NRXN3: variants seen among roughly 807,000 people sequenced by gnomAD.
NRXN3 encodes neurexin III.
Under a neutral mutation model 137.6 loss-of-function variants are expected in NRXN3, and 32 were observed. The observed-to-expected ratio is 0.23, with a 90% CI of 0.18 to 0.31. The LOEUF (loss-of-function observed/expected upper bound fraction) is 0.31. Among genes scored for constraint, NRXN3 ranks in the 10% least tolerant of loss-of-function variants. The pLI, the probability that NRXN3 is intolerant of heterozygous loss-of-function variation, is 1.00. For missense variants in NRXN3, 1,574 were observed against 2,062.5 expected (o/e 0.76, Z 4.59); for synonymous variants, 798 against 784.5 (o/e 1.02, Z -0.29).
chr14:78,643,720 A>C (rs926727147), intron 4 of NRXN3, among the ~76,000 whole-genome samples: 1 of 152,142 alleles, frequency 6.6e-6, no homozygotes, highest in African/African-American at 2.4e-5. Context: ...TTTGTCCTAT[A>C]TCATGAAGGG....
chr14:78,683,842 TATG>T (rs1280865076), intron 6 of NRXN3, among the ~76,000 whole-genome samples: 1 of 152,236 alleles, frequency 6.6e-6, no homozygotes, highest in Admixed American at 6.5e-5. Flanking sequence ...CTTCATAATT[TATG>T]ATATGTTAAA....
chr14:78,398,595 A>C (rs1308220334), intron 4 of NRXN3, among the ~76,000 whole-genome samples: 1 of 152,122 alleles, frequency 6.6e-6, no homozygotes, highest in African/African-American at 2.4e-5. Context: ...TCCCTATCTA[A>C]GAGTGAAAGA....
At chr14:78,758,482 G>GA (rs930799343) in intron 8 of NRXN3, among the ~76,000 whole-genome samples, 22 of 152,128 alleles carry the variant, frequency 1.4e-4, no homozygotes, top group Non-Finnish European at 1.9e-4. Flanking sequence ...GCTTTCCTAT[G>GA]AAAAAAATGG....
At chr14:78,327,079 T>C (rs2080197667) in intron 4 of NRXN3, among the ~76,000 whole-genome samples, 1 of 152,194 alleles carries the variant, frequency 6.6e-6, no homozygotes, top group African/African-American at 2.4e-5. Flanking sequence ...ATGTTACTAA[T>C]ATTATTATTA....
chr14:79,185,184 C>A (rs746808415), intron 15 of NRXN3, among the ~76,000 whole-genome samples: 1 of 152,000 alleles, frequency 6.6e-6, no homozygotes, highest in African/African-American at 2.4e-5. Context: ...AAGCTCGTGT[C>A]TTGAGCAGAA....
At chr14:78,543,254 G>T (rs1221573092) in intron 4 of NRXN3, among the ~76,000 whole-genome samples, 1 of 152,072 alleles carries the variant, frequency 6.6e-6, no homozygotes, top group Non-Finnish European at 1.5e-5. Context: ...CATGATCTGA[G>T]ATCATAAATG....
chr14:79,150,099 T>A (rs954148124), intron 15 of NRXN3, among the ~76,000 whole-genome samples: 13 of 152,080 alleles, frequency 8.5e-5, no homozygotes, highest in Non-Finnish European at 1.6e-4. Flanking sequence ...ACATGTTCCA[T>A]TCTAAGTCTT....
At chr14:78,305,006 T>G (rs1011145699) in intron 4 of NRXN3, among the ~76,000 whole-genome samples, 1 of 152,214 alleles carries the variant, frequency 6.6e-6, no homozygotes, top group African/African-American at 2.4e-5. Flanking sequence ...GTTTTTGACC[T>G]TTGGCTTGAG....
At chr14:79,421,515 T>C (rs1427957161) in intron 15 of NRXN3, among the ~76,000 whole-genome samples, 1 of 152,182 alleles carries the variant, frequency 6.6e-6, no homozygotes, top group Admixed American at 6.5e-5. Context: ...AAACTGATTC[T>C]GGGAAAATGG....
chr14:78,444,393 G>A (rs2094352639), intron 4 of NRXN3, among the ~76,000 whole-genome samples: 1 of 152,070 alleles, frequency 6.6e-6, no homozygotes, highest in African/African-American at 2.4e-5. Flanking sequence ...CGGAGTCCTG[G>A]GGAAAATACA....
At chr14:79,205,918 A>G (rs1030071254) in intron 15 of NRXN3, among the ~76,000 whole-genome samples, 2 of 152,204 alleles carry the variant, frequency 1.3e-5, no homozygotes, top group African/African-American at 4.8e-5. Context: ...CTCCCTGAAT[A>G]TACAAATTTT....
intron 16 of NRXN3, among the ~76,000 whole-genome samples, chr14:79,630,520 T>G (rs910687561): frequency 1.3e-5 from 2 of 152,232 alleles, no homozygotes; most frequent in African/African-American, 4.8e-5. Flanking sequence ...GGACTTGAAT[T>G]AGGTGAAGAC....
At chr14:78,190,992 A>G (rs1360104940) in intron 1 of NRXN3, among the ~76,000 whole-genome samples, 1 of 152,140 alleles carries the variant, frequency 6.6e-6, no homozygotes, top group Non-Finnish European at 1.5e-5. Flanking sequence ...TCTTTTATAT[A>G]TGAAAGGAAA....
chr14:79,865,415 T>C lies in NRXN3; in HGVS notation c.*3451T>C, dbSNP rs2099417693. 6.6e-6 allele frequency: 1 copy of C among 152,202 alleles called. No individual in the cohort carries two copies. The highest frequency in any genetic ancestry group is 1.5e-5 in the Non-Finnish European group (1 of 68,032). 9.4% of individuals were successfully genotyped at this position (152,202 alleles called of 1,614,324 possible). ...TCACTGTAATCTAGAAATATAGATT[T>C]AACTGAACAGCTGTCCTTTATCCAT... On this transcript the variant is annotated 3_prime_UTR_variant, in exon 21 of 21. Transcript: ENST00000335750.
chr14:78,417,843 ACC>A (rs2093230240), intron 4 of NRXN3, among the ~76,000 whole-genome samples: 1 of 152,026 alleles, frequency 6.6e-6, no homozygotes, highest in Non-Finnish European at 1.5e-5. Flanking sequence ...TGCAACCTGC[ACC>A]TCCTGGGTTC....
At chr14:78,863,377 C>A (rs1427948899) in intron 10 of NRXN3, among the ~76,000 whole-genome samples, 2 of 152,074 alleles carry the variant, frequency 1.3e-5, no homozygotes, top group Non-Finnish European at 2.9e-5. Flanking sequence ...GCAACTCAGT[C>A]CCCTTAGTCT....
intron 10 of NRXN3, among the ~76,000 whole-genome samples, chr14:78,868,366 C>T (rs2099092700): frequency 6.6e-6 from 1 of 152,062 alleles, no homozygotes; most frequent in Admixed American, 6.6e-5. Flanking sequence ...CTTAGTTGAT[C>T]TGAAATTTGT....
At chr14:79,453,210 C>A (rs557064835) in intron 15 of NRXN3, among the ~76,000 whole-genome samples, 1 of 152,118 alleles carries the variant, frequency 6.6e-6, no homozygotes, top group Admixed American at 6.5e-5. Flanking sequence ...GGTGGAACAC[C>A]TGAGGTCAGG....
intron 16 of NRXN3, among the ~76,000 whole-genome samples, chr14:79,479,796 CAAAATGAAAAGATTGG>C (rs2096591065): frequency 6.6e-6 from 1 of 152,000 alleles, no homozygotes; most frequent in Non-Finnish European, 1.5e-5. Flanking sequence ...TACTCCTATG[CAAAATGAAAAGATTGG>C]CCTGGAGACT....
Sources: gnomAD v4.1 joint callset for allele counts (sites outside exome capture counted in the v4.1 genomes callset) on GRCh38, gnomAD v4.1.1 for gene constraint, MANE v1.5 for transcripts, NCBI Gene and HGNC (gene_info 2026-07-23, HGNC 2026-07-21) for gene names.